The following ZNF600 variants were observed in gnomAD, a reference collection of about 807,000 sequenced individuals.
ZNF600 encodes the protein zinc finger protein KR-ZNF1.
In ZNF600, 4 loss-of-function variants were observed where a neutral mutation model predicts 7.3. That is an observed-to-expected ratio of 0.55 (90% CI 0.27 to 1.25). The LOEUF is 1.25. Ranked by LOEUF, ZNF600 falls within the 50% of genes most tolerant of loss-of-function variation. ZNF600 has a pLI of 0.12. For missense variants in ZNF600, 911 were observed against 922.1 expected (o/e 0.99, Z 0.16); for synonymous variants, 290 against 308.9 (o/e 0.94, Z 0.64).
the ZNF600 span, among the ~76,000 whole-genome samples, chr19:52,823,341 G>A: frequency 6.6e-6 from 1 of 152,044 alleles, no homozygotes; most frequent in African/African-American, 2.4e-5. Context: ...AGCCTCCTGA[G>A]TAGCTGGGAT....
chr19:52,810,410 C>G, the ZNF600 span: 2 of 1,604,188 alleles, frequency 1.2e-6, no homozygotes, highest in Non-Finnish European at 1.7e-6. Context: ...TACTCTGTGA[C>G]AAATTTAGTG....
Position 52,778,912 on chromosome 19 carries a change from A to G in ZNF600, c.-19-5T>C, listed in dbSNP as rs2062698114. ...ATGAGTCTTTAGGAATCAATCCTGT[A>G]TGTGAAAAAAAATGAGACTTCTTGT... is the stretch of plus-strand genomic sequence containing the variant. On this transcript the variant is annotated splice_polypyrimidine_tract_variant and splice_region_variant and intron_variant, in intron 1 of 3. Coordinates refer to ENST00000648973, the Ensembl canonical transcript of ZNF600. 2.5e-6 allele frequency: 4 copies of G among 1,586,026 alleles called. No homozygotes were observed. Among genetic ancestry groups the G allele is most frequent in the Non-Finnish European group, 3.4e-6 (4 of 1,171,668 alleles).
At chr19:52,799,861 G>C in the ZNF600 span, 1 of 1,614,000 alleles carries the variant, frequency 6.2e-7, no homozygotes, top group East Asian at 2.2e-5. Context: ...CACTTGTAAG[G>C]TTTCTCTCCA....
chr19:52,827,669 C>T, the ZNF600 span, among the ~76,000 whole-genome samples: 4 of 151,662 alleles, frequency 2.6e-5, no homozygotes, highest in Non-Finnish European at 5.9e-5. Flanking sequence ...CTCAGCCTCC[C>T]GAGTAGCTGG....
the ZNF600 span, among the ~76,000 whole-genome samples, chr19:52,820,319 T>G: frequency 5.9e-5 from 8 of 135,732 alleles, 1 homozygote; most frequent in Admixed American, 1.5e-4. Context: ...GGGTTTCACC[T>G]TGTTAGCCAG....
At chr19:52,797,558 T>C in the ZNF600 span, 1 of 152,278 alleles carries the variant, frequency 6.6e-6, no homozygotes, top group Non-Finnish European at 1.5e-5. Context: ...TGAATTTCCA[T>C]ACATTAACAT....
the ZNF600 span, chr19:52,810,061 G>C: frequency 2.7e-6 from 2 of 743,830 alleles, no homozygotes; most frequent in Non-Finnish European, 4.9e-6. Context: ...CCATGCCTGG[G>C]AGCTCCAGGA....
At chr19:52,790,812 G>A (rs954011012), upstream of ZNF600, among the ~76,000 whole-genome samples, 1 of 149,482 alleles carries the variant, frequency 6.7e-6, no homozygotes, top group Non-Finnish European at 1.5e-5. Flanking sequence ...TCAGCCTCCT[G>A]AGTAGCTGAG....
intron 2 of ZNF600, among the ~76,000 whole-genome samples, chr19:52,776,981 C>A (rs1450731145): frequency 6.6e-6 from 1 of 151,812 alleles, no homozygotes; most frequent in Non-Finnish European, 1.5e-5. Flanking sequence ...ACAACAGAGA[C>A]TCAACTCAAA....
At chr19:52,765,342 G>C in exon 4 of ZNF600, 1 of 731,514 alleles carries the variant, frequency 1.4e-6, no homozygotes, top group Admixed American at 1.9e-5. Context: ...ACACATGTGA[G>C]GTTTCTCTCC....
At chr19:52,807,949 G>A in the ZNF600 span, 2 of 1,608,820 alleles carry the variant, frequency 1.2e-6, no homozygotes, top group African/African-American at 2.7e-5. Context: ...GCTCCCAAGA[G>A]GCAACAAGAG....
the ZNF600 span, among the ~76,000 whole-genome samples, chr19:52,811,724 G>C: frequency 4.7e-5 from 7 of 149,618 alleles, no homozygotes; most frequent in African/African-American, 1.3e-4. Flanking sequence ...AGTGAGGAGC[G>C]TCTCCGCCCG....
the ZNF600 span, among the ~76,000 whole-genome samples, chr19:52,816,660 A>G: frequency 0.64 from 84,136 of 131,044 alleles, 29,138 homozygotes; most frequent in Non-Finnish European, 0.73. Context: ...TGAAAACATC[A>G]TCTCAAAAAA....
exon 4 of ZNF600, chr19:52,767,455 T>C (rs367842308): frequency 6.2e-7 from 1 of 1,614,180 alleles, no homozygotes; most frequent in Non-Finnish European, 8.5e-7. Context: ...TTGATCTGAA[T>C]TATGTGGAGT....
In ZNF600 at chr19:52,767,617, G is replaced by A. The variant is rs745497950; in HGVS notation, c.346C>T (p.Gln116Ter). ...CCATTTCTTTCATCTTCTTGACACT[G>A]AAACTCAATATCATGAATTTCTTTC... The change falls in exon 4 of 4, where the codon CAG becomes TAG. Residue 116 changes from glutamine (Q) to a stop codon, truncating the protein, a stop_gained. Transcript: ENST00000648973. LOFTEE classifies it low-confidence loss of function (END_TRUNC). 3 of 1,613,806 alleles carry A rather than the reference G, an allele frequency of 1.9e-6. No homozygotes were observed. Among genetic ancestry groups the A allele is most frequent in the Non-Finnish European group, 2.5e-6 (3 of 1,180,000 alleles).
the ZNF600 span, chr19:52,809,941 C>T: frequency 1.2e-6 from 1 of 854,586 alleles, no homozygotes; most frequent in African/African-American, 1.7e-5. Context: ...GGGGAGGTTG[C>T]CCCGGGGGGC....
At chr19:52,771,074 T>C (rs757620090) in intron 3 of ZNF600, among the ~76,000 whole-genome samples, 1 of 152,058 alleles carries the variant, frequency 6.6e-6, no homozygotes, top group Non-Finnish European at 1.5e-5. Flanking sequence ...CTCATGTGAT[T>C]TGGCCGTCTT....
upstream of ZNF600, among the ~76,000 whole-genome samples, chr19:52,787,732 T>C (rs928627416): frequency 5.2e-4 from 78 of 149,438 alleles, 1 homozygote; most frequent in Admixed American, 3.2e-3. Context: ...TGGTGGTGGG[T>C]GCCTGTAATC....
the ZNF600 span, chr19:52,818,158 G>C: frequency 7.8e-6 from 8 of 1,020,416 alleles, no homozygotes; most frequent in South Asian, 1.3e-4. Flanking sequence ...ACCGCACCAC[G>C]AACAAAAAAT....
Sources: allele counts gnomAD v4.1 joint callset (sites outside exome capture counted in the v4.1 genomes callset), GRCh38; gene constraint gnomAD v4.1.1; transcripts MANE v1.5; gene names NCBI Gene and HGNC (gene_info 2026-07-23, HGNC 2026-07-21).